Variants in PPP1R13B observed in about 807,000 individuals in gnomAD.
PPP1R13B encodes the protein protein phosphatase 1 regulatory subunit 13B, also known as apoptosis-stimulating of p53 protein 1.
A neutral mutation model predicts 119.8 loss-of-function variants in PPP1R13B; 44 were observed. The observed-to-expected ratio is 0.37, with a 90% CI of 0.29 to 0.47. The LOEUF is 0.47. Among genes scored for constraint, PPP1R13B ranks in the 20% least tolerant of loss-of-function variants. The pLI is 0.99. For missense variants in PPP1R13B, 1,227 were observed against 1,413.5 expected (o/e 0.87, Z 2.12); for synonymous variants, 542 against 561.5 (o/e 0.97, Z 0.49).
intron 1 of PPP1R13B, among the ~76,000 whole-genome samples, chr14:103,808,472 A>C (rs2086070551): frequency 6.6e-6 from 1 of 152,184 alleles, no homozygotes; most frequent in Non-Finnish European, 1.5e-5. Context: ...TAAAAAACAT[A>C]TATATATCAT....
rs371538545 is a variant in PPP1R13B at position 103,771,314 on chromosome 14, T to C, written c.354+7431A>G. Among the ~76,000 whole-genome samples the C allele has an allele frequency of 1.1e-4, 17 of 152,110 alleles. 1 individual carries two copies. The South Asian group carries it at 2.7e-3, about 24-fold the overall frequency. On this transcript the variant is annotated intron_variant, in intron 4 of 16. Transcript: ENST00000202556. Reference sequence around the variant, plus strand: ...AGTTCCAAGGAAAACGAGCAGCTCATTGTCAAAAACCAAAACACAGAGCAA... The same window carrying C: ...AGTTCCAAGGAAAACGAGCAGCTCACTGTCAAAAACCAAAACACAGAGCAA...
chr14:103,744,406 C>T (rs1055201632), intron 9 of PPP1R13B, among the ~76,000 whole-genome samples: 1 of 152,302 alleles, frequency 6.6e-6, no homozygotes, highest in East Asian at 1.9e-4. Context: ...GTGTCACACT[C>T]TTTCTAAGGA....
At chr14:103,818,598 T>C in intron 1 of PPP1R13B, 1 of 598,394 alleles carries the variant, frequency 1.7e-6, no homozygotes, top group Non-Finnish European at 2.1e-6. Context: ...GGCCTTCAGA[T>C]GACAATTCTT....
rs1034622324 is a variant in PPP1R13B at position 103,740,848 on chromosome 14, G to C, written c.1823-255C>G. On this transcript the variant is annotated intron_variant, in intron 11 of 16. Coordinates refer to ENST00000202556, the MANE Select transcript of PPP1R13B (RefSeq NM_015316.3). The surrounding 1 kb of genome is among the most constrained non-coding windows in gnomAD (Gnocchi z 4.6). ...TTCCAGAACTGGAGCTTTTTCAAAAGAAAAAAATAGGGTGCTAACCCGACT... is the reference window on the plus strand; with the variant it reads ...TTCCAGAACTGGAGCTTTTTCAAAACAAAAAAATAGGGTGCTAACCCGACT... Among the ~76,000 whole-genome samples the C allele has an allele frequency of 6.6e-6, 1 of 151,994 alleles. No individual in the cohort carries two copies. Among genetic ancestry groups the C allele is most frequent in the Non-Finnish European group, 1.5e-5 (1 of 67,932 alleles).
At chr14:103,760,599 G>A (rs895673951) in intron 4 of PPP1R13B, among the ~76,000 whole-genome samples, 10 of 152,156 alleles carry the variant, frequency 6.6e-5, no homozygotes, top group African/African-American at 2.2e-4. Context: ...CTGCTCCGAT[G>A]ATCCCTTCGG....
At chr14:103,809,866 G>A (rs906402921) in intron 1 of PPP1R13B, among the ~76,000 whole-genome samples, 11 of 151,106 alleles carry the variant, frequency 7.3e-5, no homozygotes, top group Non-Finnish European at 8.9e-5. Flanking sequence ...TCGCTCTGTC[G>A]CCCAGGCTGG....
chr14:103,785,665 C>T (rs902794107), intron 2 of PPP1R13B, among the ~76,000 whole-genome samples: 1 of 152,002 alleles, frequency 6.6e-6, no homozygotes, highest in African/African-American at 2.4e-5. Context: ...GTGCCCACCA[C>T]CATGACCAGC....
chr14:103,832,624 G>T (rs2086686224), intron 1 of PPP1R13B, among the ~76,000 whole-genome samples: 1 of 152,094 alleles, frequency 6.6e-6, no homozygotes, highest in Admixed American at 6.6e-5. Flanking sequence ...ACACTTAAAG[G>T]TATCAATTTT....
chr14:103,848,395 G>C, upstream of PPP1R13B: 1 of 985,450 alleles, frequency 1.0e-6, no homozygotes, highest in Non-Finnish European at 1.2e-6. Context: ...GGGCCTGAGC[G>C]CCGGAGTGAC....
In PPP1R13B at chr14:103,754,254, G is replaced by T. The variant is rs1036302816; in HGVS notation, c.457-10C>A. The T allele has an allele frequency of 6.3e-7, 1 of 1,595,074 alleles. No individual in the cohort carries two copies. The highest frequency in any genetic ancestry group is 2.2e-5 in the East Asian group (1 of 44,662). ...AATGTAAACGCTGTTCCTAACAAAAGAAAGAAAAATGTAACTTTGAAAATT... is the reference window on the plus strand; with the variant it reads ...AATGTAAACGCTGTTCCTAACAAAATAAAGAAAAATGTAACTTTGAAAATT... On this transcript the variant is annotated splice_polypyrimidine_tract_variant and intron_variant, in intron 5 of 16. Transcript: ENST00000202556.
chr14:103,760,333 A>C (rs182287531), intron 4 of PPP1R13B, among the ~76,000 whole-genome samples: 3 of 152,322 alleles, frequency 2.0e-5, no homozygotes, highest in African/African-American at 7.2e-5. Flanking sequence ...TATTCAAACA[A>C]ACCTATTACC....
chr14:103,781,942 G>A (rs781128666), intron 3 of PPP1R13B, among the ~76,000 whole-genome samples: 41 of 152,134 alleles, frequency 2.7e-4, no homozygotes, highest in Middle Eastern at 3.4e-3. Context: ...ATGAGCCACC[G>A]CGCCCGGCCA....
Position 103,734,862 on chromosome 14 carries a change from T to C in PPP1R13B, c.*292A>G. ...TTCACTGGCAACCAACCGGGGGTTATGGGACTTCTTAATGGCAAGAGGGGT... is the reference window on the plus strand; with the variant it reads ...TTCACTGGCAACCAACCGGGGGTTACGGGACTTCTTAATGGCAAGAGGGGT... On this transcript the variant is annotated 3_prime_UTR_variant, in exon 17 of 17. Coordinates refer to ENST00000202556, the MANE Select transcript of PPP1R13B (RefSeq NM_015316.3). 1.9e-6 allele frequency: 1 copy of C among 518,858 alleles called. No homozygotes were observed. Among genetic ancestry groups the C allele is most frequent in the Non-Finnish European group, 3.6e-6 (1 of 274,532 alleles). 32.1% of individuals were successfully genotyped at this position (518,858 alleles called of 1,614,324 possible).
At chr14:103,820,648 C>A (rs2086385637) in intron 1 of PPP1R13B, among the ~76,000 whole-genome samples, 1 of 147,474 alleles carries the variant, frequency 6.8e-6, no homozygotes, top group Non-Finnish European at 1.5e-5. Flanking sequence ...CCACCATGCC[C>A]AGGATTTTTT....
intron 1 of PPP1R13B, among the ~76,000 whole-genome samples, chr14:103,798,836 T>C (rs975023320): frequency 2.0e-5 from 3 of 151,650 alleles, no homozygotes; most frequent in African/African-American, 7.3e-5. Flanking sequence ...ACTACAGGCA[T>C]GTGCCACCAC....
intron 1 of PPP1R13B, among the ~76,000 whole-genome samples, chr14:103,818,213 C>T (rs1171853196): frequency 6.6e-6 from 1 of 152,182 alleles, no homozygotes; most frequent in Non-Finnish European, 1.5e-5. Flanking sequence ...ACTTTAACGC[C>T]TTCCTTCCCA....
intron 1 of PPP1R13B, among the ~76,000 whole-genome samples, chr14:103,829,802 C>G (rs902302768): frequency 1.1e-4 from 17 of 151,892 alleles, no homozygotes; most frequent in Non-Finnish European, 2.4e-4. Flanking sequence ...TTTTTTTAAA[C>G]GCAGTCTCCC....
intron 2 of PPP1R13B, among the ~76,000 whole-genome samples, chr14:103,785,719 C>G (rs1368234019): frequency 6.6e-6 from 1 of 151,850 alleles, no homozygotes; most frequent in Non-Finnish European, 1.5e-5. Context: ...ACCATGTTGG[C>G]TAGGCTGGTC....
At chr14:103,749,746 G>A (rs759871620) in intron 8 of PPP1R13B, 48 bp downstream of exon 8, 1 of 1,575,426 alleles carries the variant, frequency 6.3e-7, no homozygotes, top group East Asian at 2.2e-5. Context: ...GGCAATGCTT[G>A]GATAAACTAT....
Sources: gnomAD v4.1 joint callset for allele counts (sites outside exome capture counted in the v4.1 genomes callset) on GRCh38, gnomAD v4.1.1 for gene constraint, Gnocchi (gnomAD v3.1) non-coding constraint, MANE v1.5 for transcripts, NCBI Gene and HGNC (gene_info 2026-07-23, HGNC 2026-07-21) for gene names.